PPP1R3A: variants seen among roughly 807,000 people sequenced by gnomAD.
PPP1R3A encodes the protein RG1.
PPP1R3A carries 29 observed loss-of-function variants against 41.7 expected under a neutral mutation model. The ratio of observed to expected loss-of-function variants is 0.70; its 90% CI spans 0.52 to 0.95. The LOEUF is 0.95. Among genes scored for constraint, PPP1R3A ranks in the 40% least tolerant of loss-of-function variants. The probability of loss-of-function intolerance (pLI) is 0.00; values close to 1 mark genes in which losing one functional copy is unlikely to be tolerated. For missense variants in PPP1R3A, 1,352 were observed against 1,292.4 expected, an observed-to-expected ratio of 1.05 and a Z score of -0.71; for synonymous variants, 485 against 453.4, an observed-to-expected ratio of 1.07 and a Z score of -0.89.
rs181014597 is a variant in PPP1R3A at position 113,909,075 on chromosome 7, C to G, written c.782+9140G>C. 2.0e-5 allele frequency among the ~76,000 whole-genome samples: 3 copies of G among 151,922 alleles called. No individual in the cohort carries two copies. In the East Asian group the frequency reaches 5.9e-4, roughly 30 times the overall value. On this transcript the variant is annotated intron_variant, in intron 1 of 3. Coordinates refer to ENST00000284601, the MANE Select transcript of PPP1R3A (RefSeq NM_002711.4). ...AATATGAGGAATGGAAGTCCAAACC[C>G]CAGCCTTATGCAATAAACCCATGTA...
chr7:113,914,326 GA>G (rs1797303910), intron 1 of PPP1R3A, among the ~76,000 whole-genome samples: 1 of 152,132 alleles, frequency 6.6e-6, no homozygotes, highest in South Asian at 2.1e-4. Flanking sequence ...AAACTTTACT[GA>G]AATTAATATG....
At chr7:113,914,415 G>A (rs528553810) in intron 1 of PPP1R3A, among the ~76,000 whole-genome samples, 1 of 152,166 alleles carries the variant, frequency 6.6e-6, no homozygotes, top group African/African-American at 2.4e-5. Flanking sequence ...ATTAAATGTG[G>A]AAATTTTAAC....
At chr7:113,914,405 A>T (rs897263548) in intron 1 of PPP1R3A, among the ~76,000 whole-genome samples, 8 of 152,118 alleles carry the variant, frequency 5.3e-5, no homozygotes, top group East Asian at 3.9e-4. Flanking sequence ...TTTTTCATCT[A>T]TTAAATGTGG....
At chr7:113,899,074 T>A (rs777842410) in intron 1 of PPP1R3A, among the ~76,000 whole-genome samples, 3 of 151,810 alleles carry the variant, frequency 2.0e-5, no homozygotes, top group Non-Finnish European at 4.4e-5. Context: ...TAAAGACCAG[T>A]ACTTTGCAAT....
intron 1 of PPP1R3A, among the ~76,000 whole-genome samples, chr7:113,906,631 C>G (rs917434425): frequency 1.3e-5 from 2 of 151,796 alleles, no homozygotes; most frequent in African/African-American, 4.8e-5. Context: ...TAAATGCATT[C>G]ATCATTTGAA....
intron 1 of PPP1R3A, among the ~76,000 whole-genome samples, chr7:113,916,170 C>T (rs1797339303): frequency 6.6e-6 from 1 of 152,072 alleles, no homozygotes; most frequent in South Asian, 2.1e-4. Context: ...TTTTAAGTTA[C>T]AGAAGTGCAG....
Position 113,888,195 on chromosome 7 carries a change from A to G in PPP1R3A, c.783-5875T>C, listed in dbSNP as rs561749434. 1.1e-4 allele frequency among the ~76,000 whole-genome samples: 17 copies of G among 152,276 alleles called. 1 individual carries two copies. In the South Asian group the frequency reaches 3.1e-3, roughly 28 times the overall value. ...CTGGCAAAATGAGGTTGAATTATTT[A>G]GGTACTTTTTAACCAGTGGCATGGG... On this transcript the variant is annotated intron_variant, in intron 1 of 3. Coordinates refer to ENST00000284601, the MANE Select transcript of PPP1R3A (RefSeq NM_002711.4).
chr7:113,896,979 G>T lies in PPP1R3A; in HGVS notation c.783-14659C>A, dbSNP rs538405847. Among the ~76,000 whole-genome samples the T allele has an allele frequency of 3.9e-5, 6 of 151,936 alleles. No individual in the cohort carries two copies. In the East Asian group the frequency reaches 1.2e-3, roughly 30 times the overall value. Reference sequence around the variant, plus strand: ...AATTAGCTACAGAATCCATGGAAAGGTATTCAAGTATTTTTTGAAGCCTAT... The same window carrying T: ...AATTAGCTACAGAATCCATGGAAAGTTATTCAAGTATTTTTTGAAGCCTAT... On this transcript the variant is annotated intron_variant, in intron 1 of 3. Coordinates refer to ENST00000284601, the MANE Select transcript of PPP1R3A (RefSeq NM_002711.4).
chr7:113,891,231 A>T (rs1228093791), intron 1 of PPP1R3A, among the ~76,000 whole-genome samples: 1 of 151,944 alleles, frequency 6.6e-6, no homozygotes, highest in Non-Finnish European at 1.5e-5. Flanking sequence ...TTTCTCTAAA[A>T]TCTTGCCTAC....
chr7:113,882,827 C>CA (rs1337860514), intron 1 of PPP1R3A, among the ~76,000 whole-genome samples: 2 of 151,234 alleles, frequency 1.3e-5, no homozygotes, highest in Non-Finnish European at 3.0e-5. Context: ...TCCAGAAAAG[C>CA]AAAAAAACAC....
intron 1 of PPP1R3A, among the ~76,000 whole-genome samples, chr7:113,901,823 T>TA (rs1438938950): frequency 6.6e-6 from 1 of 151,806 alleles, no homozygotes; most frequent in Non-Finnish European, 1.5e-5. Flanking sequence ...CAAATCTCTT[T>TA]AATCCTCTTT....
intron 1 of PPP1R3A, among the ~76,000 whole-genome samples, chr7:113,892,891 T>A (rs1796916864): frequency 6.6e-6 from 1 of 152,078 alleles, no homozygotes; most frequent in Admixed American, 6.6e-5. Flanking sequence ...GTAAGGCACA[T>A]CGTTTTGTTT....
At chr7:113,890,105 C>CATGTCA (rs1796853990) in intron 1 of PPP1R3A, among the ~76,000 whole-genome samples, 1 of 151,814 alleles carries the variant, frequency 6.6e-6, no homozygotes, top group African/African-American at 2.4e-5. Context: ...TTATTCTCAA[C>CATGTCA]ATGTCAAGTA....
intron 1 of PPP1R3A, among the ~76,000 whole-genome samples, chr7:113,905,013 A>G (rs1396982176): frequency 6.6e-6 from 1 of 151,674 alleles, no homozygotes; most frequent in Non-Finnish European, 1.5e-5. Context: ...ACCATGTATT[A>G]CCTATCTCCA....
At position 113,878,172 on chromosome 7, in the gene PPP1R3A, C is replaced by T. The variant is rs1796605105; in HGVS notation, c.2920G>A (p.Glu974Lys). 6.2e-7 allele frequency: 1 copy of T among 1,613,128 alleles called. No individual in the cohort carries two copies. The highest frequency in any genetic ancestry group is 1.3e-5 in the African/African-American group (1 of 74,848). ...ATTCCTGAACTTCTGGAAACTTCTT[C>T]AGGTTTAGACTCAGGATAAGGGTGC... ...EKHPYPESKP[E>K]EVSRSSGIVT... The change falls in exon 4 of 4, where the codon GAA becomes AAA. Residue 974 changes from glutamate to lysine, a missense_variant. Coordinates refer to ENST00000284601, the MANE Select transcript of PPP1R3A (RefSeq NM_002711.4).
chr7:113,893,060 C>T (rs182021840), intron 1 of PPP1R3A, among the ~76,000 whole-genome samples: 2 of 151,910 alleles, frequency 1.3e-5, no homozygotes, highest in Admixed American at 1.3e-4. Context: ...AAGGGACTTC[C>T]TTGCTGCGGT....
chr7:113,911,952 A>C (rs1361530696), intron 1 of PPP1R3A, among the ~76,000 whole-genome samples: 1 of 152,236 alleles, frequency 6.6e-6, no homozygotes, highest in South Asian at 2.1e-4. Flanking sequence ...GTGTTAGCTA[A>C]TGTATTCCTC....
intron 1 of PPP1R3A, among the ~76,000 whole-genome samples, chr7:113,912,020 T>C (rs924689926): frequency 6.6e-6 from 1 of 152,128 alleles, no homozygotes; most frequent in Non-Finnish European, 1.5e-5. Flanking sequence ...ATAAAATAGA[T>C]ACAAAATATA....
Position 113,878,883 on chromosome 7 carries a change from A to C in PPP1R3A, c.2209T>G (p.Ser737Ala), listed in dbSNP as rs140383412. The change falls in exon 4 of 4, where the codon TCA (serine) becomes GCA (alanine). Residue 737 changes from serine (S) to alanine (A), a missense_variant. By Grantham distance (99) the Ser-to-Ala change is moderately conservative. Coordinates refer to ENST00000284601, the MANE Select transcript of PPP1R3A (RefSeq NM_002711.4). ...GACATGCTTTCTGGAGTACTTTCTG[A>C]TGTTGTCTTAATTATATAGGCTGTA... ...AGTAYIIKTT[S>A]ESTPESMSAR... is the part of the protein sequence containing the mutation. The C allele has an allele frequency of 1.9e-6, 3 of 1,612,670 alleles. No individual in the cohort carries two copies. Among genetic ancestry groups the C allele is most frequent in the African/African-American group, 2.7e-5 (2 of 74,772 alleles).
Sources: gnomAD v4.1 joint callset for allele counts (sites outside exome capture counted in the v4.1 genomes callset) on GRCh38, gnomAD v4.1.1 for gene constraint, MANE v1.5 for transcripts, NCBI Gene and HGNC (gene_info 2026-07-23, HGNC 2026-07-21) for gene names.